Variants in EHD3 observed in about 807,000 individuals in gnomAD.
EHD3 encodes EH domain-containing protein 3.
EHD3 carries 17 observed loss-of-function variants against 43.0 expected under a neutral mutation model. The ratio of observed to expected loss-of-function variants is 0.40; its 90% CI spans 0.27 to 0.59. The LOEUF is 0.59. Ranked by LOEUF, EHD3 falls within the 20% of genes least tolerant of loss-of-function variation. The probability of loss-of-function intolerance (pLI) is 0.49; values close to 1 mark genes in which losing one functional copy is unlikely to be tolerated. For synonymous variants in EHD3, 313 were observed against 289.5 expected (o/e 1.08, Z -0.82); for missense variants, 594 against 705.6 (o/e 0.84, Z 1.79).
At chr2:31,265,071 G>A (rs1248261831) in intron 5 of EHD3, among the ~76,000 whole-genome samples, 1 of 152,132 alleles carries the variant, frequency 6.6e-6, no homozygotes, top group Non-Finnish European at 1.5e-5. Flanking sequence ...TTGTCCCACT[G>A]GAAGGTCTTG....
intron 3 of EHD3, among the ~76,000 whole-genome samples, chr2:31,256,491 G>A (rs574760078): frequency 2.6e-5 from 4 of 152,196 alleles, no homozygotes; most frequent in African/African-American, 4.8e-5. Context: ...GCCACACACC[G>A]TGCTGGGTGC....
At chr2:31,251,390 G>T (rs1342970354) in intron 3 of EHD3, among the ~76,000 whole-genome samples, 3 of 152,194 alleles carry the variant, frequency 2.0e-5, no homozygotes, top group African/African-American at 7.2e-5. Flanking sequence ...CAGCCCTCCA[G>T]GGAAGACACA....
Position 31,260,761 on chromosome 2 carries a change from G to A in EHD3, c.754G>A (p.Val252Ile), listed in dbSNP as rs777592016. 2.5e-6 allele frequency: 4 copies of A among 1,614,200 alleles called. No individual in the cohort carries two copies. The South Asian group carries it at 4.4e-5, about 18-fold the overall frequency. Reference protein sequence around the residue: ...KIVNTPEVIRVYIGSFWSHPL... With the variant: ...KIVNTPEVIRIYIGSFWSHPL... The stretch of plus-strand genomic sequence containing the variant: ...CGTGAACACCCCAGAGGTGATCCGG[G>A]TCTACATCGGCTCCTTCTGGTCCCA... Residue 252 changes from valine to isoleucine, a missense_variant, in exon 4 of 6, where the codon GTC becomes ATC. Physicochemically the swap from Val to Ile is conservative, Grantham distance 29. Around this residue, in one of 3 missense-constraint regions of EHD3, gnomAD observed 29 missense variants for 60.9 expected, o/e 0.48. Transcript: ENST00000322054. This position sits in a 1 kb window ranked among gnomAD's most constrained non-coding sequence, Gnocchi z 4.6.
In EHD3 at chr2:31,261,713, G is replaced by A; in HGVS notation, c.1080G>A (p.Gln360=). The stretch of plus-strand genomic sequence containing the variant: ...ACTTCCCCAATCTGAAGAGGATGCA[G>A]GTAGCGAGGGCTGGGGTCTCTAAGA... The part of the protein sequence containing the change: ...PGDFPNLKRM[Q]DQLQAQDFSK... The change falls in exon 5 of 6, where the codon CAG becomes CAA. Residue 360 remains glutamine, a splice_region_variant and synonymous_variant. Transcript: ENST00000322054. The A allele has an allele frequency of 1.2e-6, 2 of 1,614,042 alleles. No individual in the cohort carries two copies. The highest frequency in any genetic ancestry group is 1.3e-5 in the African/African-American group (1 of 75,066).
chr2:31,245,877 G>T (rs1683514404), intron 2 of EHD3, among the ~76,000 whole-genome samples: 1 of 151,470 alleles, frequency 6.6e-6, no homozygotes, highest in South Asian at 2.1e-4. Context: ...CACCGTGCCT[G>T]GCCCCAAATA....
chr2:31,243,029 C>G (rs983417126), intron 1 of EHD3, among the ~76,000 whole-genome samples: 1 of 152,162 alleles, frequency 6.6e-6, no homozygotes, highest in Non-Finnish European at 1.5e-5. Context: ...GTAATCCCAG[C>G]ACTTTGAGAG....
At chr2:31,249,937 A>G (rs1445443835) in intron 3 of EHD3, among the ~76,000 whole-genome samples, 1 of 152,172 alleles carries the variant, frequency 6.6e-6, no homozygotes, top group African/African-American at 2.4e-5. Flanking sequence ...TTCACTACAG[A>G]TAAATACAGG....
intron 3 of EHD3, among the ~76,000 whole-genome samples, chr2:31,251,311 T>C (rs1419111446): frequency 6.6e-6 from 1 of 151,272 alleles, no homozygotes; most frequent in Non-Finnish European, 1.5e-5. Flanking sequence ...TGGCTGGGAG[T>C]GGAAAGGGAA....
chr2:31,255,566 C>A (rs909950470), intron 3 of EHD3, among the ~76,000 whole-genome samples: 3 of 152,150 alleles, frequency 2.0e-5, no homozygotes, highest in African/African-American at 4.8e-5. Flanking sequence ...GGGTCCAGTC[C>A]ATACCTTTGA....
rs889876673 is a variant in EHD3 at position 31,246,867 on chromosome 2, A to G, written c.404+2417A>G. Among the ~76,000 whole-genome samples the G allele has an allele frequency of 2.0e-5, 3 of 152,088 alleles. No homozygotes were observed. In the East Asian group the frequency reaches 5.8e-4, roughly 29 times the overall value. Reference sequence around the variant, plus strand: ...TGTGTGAAGAAGATCTGAGAGAGAAAGGAAAAAATATATAAATCTTTACAG... The same window carrying G: ...TGTGTGAAGAAGATCTGAGAGAGAAGGGAAAAAATATATAAATCTTTACAG... On this transcript the variant is annotated intron_variant, in intron 2 of 5. Coordinates refer to ENST00000322054, the MANE Select transcript of EHD3 (RefSeq NM_014600.3).
chr2:31,257,264 A>C (rs585440), intron 3 of EHD3, among the ~76,000 whole-genome samples: 115,866 of 152,130 alleles, frequency 0.76, 44,791 homozygotes, highest in East Asian at 0.95. Context: ...AGGTGACAGC[A>C]GCCTTGCCAT....
chr2:31,246,406 C>T (rs190218491), intron 2 of EHD3, among the ~76,000 whole-genome samples: 69 of 152,052 alleles, frequency 4.5e-4, no homozygotes, highest in African/African-American at 1.6e-3. Flanking sequence ...TGAGGAGCAT[C>T]GTCCTATCTG....
rs954819981 is a variant in EHD3 at position 31,234,443 on chromosome 2, C to T, written c.-179C>T. Reference sequence around the variant, plus strand: ...CAGCGGCTGGGCTTGGTCCCAGGAGCAGGGAGAGTGCGCTCCCGGCCCTCC... The same window carrying T: ...CAGCGGCTGGGCTTGGTCCCAGGAGTAGGGAGAGTGCGCTCCCGGCCCTCC... On this transcript the variant is annotated 5_prime_UTR_variant, in exon 1 of 6. Coordinates refer to ENST00000322054, the MANE Select transcript of EHD3 (RefSeq NM_014600.3). 6.2e-6 allele frequency: 4 copies of T among 640,102 alleles called. No individual in the cohort carries two copies. The highest frequency in any genetic ancestry group is 1.1e-5 in the Non-Finnish European group (4 of 374,838). The allele number at this position is 640,102 out of a possible 1,614,324, so 39.7% of individuals were successfully genotyped here.
chr2:31,255,297 G>A (rs550279778), intron 3 of EHD3, among the ~76,000 whole-genome samples: 35 of 152,294 alleles, frequency 2.3e-4, no homozygotes, highest in African/African-American at 8.2e-4. Flanking sequence ...AAGAGCTACC[G>A]TTGTGGGTCT....
At position 31,266,903 on chromosome 2, in the gene EHD3, G is replaced by C; in HGVS notation, c.*199G>C. 3.1e-6 allele frequency: 2 copies of C among 651,246 alleles called. No homozygotes were observed. The highest frequency in any genetic ancestry group is 5.1e-6 in the Non-Finnish European group (2 of 395,332). The allele number at this position is 651,246 out of a possible 1,614,324, so 40.3% of individuals were successfully genotyped here. On this transcript the variant is annotated 3_prime_UTR_variant, in exon 6 of 6. Transcript: ENST00000322054. This position sits in a 1 kb window ranked among gnomAD's most constrained non-coding sequence, Gnocchi z 5.1. ...TGTTTGGGCACACCTCCAAGTTCTC[G>C]GGATTAGAAGGACAAGAGCACTCCC...
chr2:31,249,442 C>G lies in EHD3; in HGVS notation c.476C>G (p.Ser159Cys). 6.2e-7 allele frequency: 1 copy of G among 1,614,126 alleles called. No individual in the cohort carries two copies. Among genetic ancestry groups the G allele is most frequent in the East Asian group, 2.2e-5 (1 of 44,862 alleles). Residue 159 changes from serine (S) to cysteine (C), a missense_variant, in exon 3 of 6, where the codon TCT becomes TGT. By Grantham distance (112) the Ser-to-Cys change is moderately radical. Coordinates refer to ENST00000322054, the MANE Select transcript of EHD3 (RefSeq NM_014600.3). ...GTCATCGACACACCAGGGATCCTCT[C>G]TGGGGAGAAGCAGAGGATCAGCCGG... The part of the protein sequence containing the change: ...ISVIDTPGIL[S>C]GEKQRISRGY...
chr2:31,261,008 A>G (rs753051588), intron 4 of EHD3, 86 bp downstream of exon 4: 37 of 1,442,682 alleles, frequency 2.6e-5, no homozygotes, highest in Non-Finnish European at 3.5e-5. Context: ...TGCTGCCTCC[A>G]ACAGCCAGTG....
intron 3 of EHD3, among the ~76,000 whole-genome samples, chr2:31,258,582 C>T (rs1393220693): frequency 6.6e-6 from 1 of 152,178 alleles, no homozygotes; most frequent in African/African-American, 2.4e-5. Flanking sequence ...CCATTGCTTA[C>T]CAGCTGGGTG....
At chr2:31,257,680 G>A (rs1166141098) in intron 3 of EHD3, among the ~76,000 whole-genome samples, 6 of 152,292 alleles carry the variant, frequency 3.9e-5, no homozygotes, top group East Asian at 3.9e-4. Flanking sequence ...ACTGAACTTC[G>A]AGTTGGAGGC....
Sources: allele counts gnomAD v4.1 joint callset (sites outside exome capture counted in the v4.1 genomes callset), GRCh38; gene constraint gnomAD v4.1.1; regional missense constraint gnomAD v4.1.1; non-coding constraint Gnocchi (gnomAD v3.1); transcripts MANE v1.5; gene names NCBI Gene and HGNC (gene_info 2026-07-23, HGNC 2026-07-21).